The following COL5A1 variants were observed in gnomAD, a reference collection of about 807,000 sequenced individuals.
COL5A1 encodes the protein collagen alpha-1(V) chain.
A neutral mutation model predicts 263.7 loss-of-function variants in COL5A1; 16 were observed. The observed-to-expected ratio is 0.06, with a 90% CI of 0.04 to 0.09. The LOEUF (loss-of-function observed/expected upper bound fraction) is 0.09. Among genes scored for constraint, COL5A1 ranks in the 10% least tolerant of loss-of-function variants. The pLI, the probability that COL5A1 is intolerant of heterozygous loss-of-function variation, is 1.00. For missense variants in COL5A1, 2,036 were observed against 2,540.5 expected (o/e 0.80, Z 4.27); for synonymous variants, 1,012 against 1,004.5 (o/e 1.01, Z -0.14).
At chr9:134,797,768 G>T (rs1434375462) in intron 36 of COL5A1, among the ~76,000 whole-genome samples, 1 of 152,132 alleles carries the variant, frequency 6.6e-6, no homozygotes, top group Non-Finnish European at 1.5e-5. Context: ...CAGCCACCGT[G>T]CCCGGAGCCC....
chr9:134,782,598 C>G (rs966706751), intron 28 of COL5A1, 69 bp from the exon 29 acceptor site: 1 of 1,431,020 alleles, frequency 7.0e-7, no homozygotes, highest in South Asian at 1.1e-5. Flanking sequence ...TTGTTTGGAG[C>G]GGGGAAGGGA....
rs73664144 is a variant in COL5A1 at position 134,796,356 on chromosome 9, C to A, written c.2800-18C>A. ...AATAACAATCATAAGCTTTTCCCCCCTCTCCTTCCCTCTCAAGGGCAACTC... is the reference window on the plus strand; with the variant it reads ...AATAACAATCATAAGCTTTTCCCCCATCTCCTTCCCTCTCAAGGGCAACTC... On this transcript the variant is annotated intron_variant, in intron 34 of 65. Transcript: ENST00000371817. The A allele has an allele frequency of 1.6e-3, 2,620 of 1,613,640 alleles. 48 individuals are homozygous for A. The African/African-American group carries it at 0.031, about 19-fold the overall frequency.
intron 32 of COL5A1, among the ~76,000 whole-genome samples, chr9:134,793,975 C>T (rs762251690): frequency 1.7e-4 from 26 of 152,284 alleles, no homozygotes; most frequent in East Asian, 5.8e-4. Context: ...AGATGATGAG[C>T]GGAAACTTAT....
At chr9:134,740,846 G>A (rs1835274781) in intron 11 of COL5A1, among the ~76,000 whole-genome samples, 1 of 152,204 alleles carries the variant, frequency 6.6e-6, no homozygotes, top group Non-Finnish European at 1.5e-5. Context: ...TTTAGGAGCT[G>A]GTCCTCCTCA....
At chr9:134,817,597 G>A (rs1045258434) in intron 53 of COL5A1, among the ~76,000 whole-genome samples, 181 bp from the exon 54 acceptor site, 37 of 152,026 alleles carry the variant, frequency 2.4e-4, no homozygotes, top group African/African-American at 8.9e-4. Flanking sequence ...TGGCCCGGGA[G>A]CAGCCTCCAT....
intron 63 of COL5A1, among the ~76,000 whole-genome samples, chr9:134,826,660 G>T (rs3128604): frequency 0.6 from 69,997 of 116,802 alleles, 17,842 homozygotes; most frequent in East Asian, 0.64. Flanking sequence ...GTGGCTGGTG[G>T]ATGGGTGTGT....
In COL5A1 at chr9:134,784,796, C is replaced by T. The variant is rs1055176595; in HGVS notation, c.2485-193C>T. Among the ~76,000 whole-genome samples, 6 of 152,258 alleles carry T rather than the reference C, an allele frequency of 3.9e-5. No individual in the cohort carries two copies. In the East Asian group the frequency reaches 9.6e-4, roughly 24 times the overall value. ...CGCAGAGCCCGGGAGCCCGGGAATT[C>T]GCGGTACAATGCGCTCGCTTTGTCA... On this transcript the variant is annotated intron_variant, in intron 29 of 65. Coordinates refer to ENST00000371817, the MANE Select transcript of COL5A1 (RefSeq NM_000093.5).
At chr9:134,747,697 GCACACATGCATTCATA>G (rs1167031833) in intron 11 of COL5A1, among the ~76,000 whole-genome samples, 1 of 128,480 alleles carries the variant, frequency 7.8e-6, no homozygotes, top group Non-Finnish European at 1.6e-5. Context: ...GCAAACACAT[GCACACATGCATTCATA>G]CACACATGCA....
chr9:134,668,853 T>A (rs78786052), intron 1 of COL5A1, among the ~76,000 whole-genome samples: 35,484 of 151,460 alleles, frequency 0.23, 5,224 homozygotes, highest in African/African-American at 0.42. Flanking sequence ...CCAACTGTCC[T>A]TCCATCTATG....
rs190674200 is a variant in COL5A1, at chr9:134,806,691, C to A, written c.3366+395C>A. Among the ~76,000 whole-genome samples the A allele has an allele frequency of 2.3e-3, 344 of 152,324 alleles. 2 individuals carry two copies. Among genetic ancestry groups the A allele is most frequent in the Middle Eastern group, 0.02 (6 of 294 alleles). ...CTCAGTGCCACCTGTGTGGTCGGGC[C>A]ACAGCTGCCCACTGTGTGAACTGTT... On this transcript the variant is annotated intron_variant, in intron 42 of 65. Coordinates refer to ENST00000371817, the MANE Select transcript of COL5A1 (RefSeq NM_000093.5).
intron 1 of COL5A1, among the ~76,000 whole-genome samples, chr9:134,651,782 G>T (rs1381977144): frequency 6.6e-6 from 1 of 152,246 alleles, no homozygotes; most frequent in Admixed American, 6.5e-5. Context: ...CTTTTCTCGG[G>T]TCCTCTGCCT....
intron 1 of COL5A1, among the ~76,000 whole-genome samples, chr9:134,672,323 C>T (rs1205201757): frequency 1.3e-5 from 2 of 152,130 alleles, no homozygotes; most frequent in East Asian, 1.9e-4. Context: ...TTTGTTTAAA[C>T]CATTATGATG....
intron 11 of COL5A1, among the ~76,000 whole-genome samples, chr9:134,740,986 C>T (rs1162717791): frequency 6.6e-6 from 1 of 152,022 alleles, no homozygotes; most frequent in African/African-American, 2.4e-5. Context: ...AGGGCCCTTC[C>T]AGTGAGAGGG....
intron 62 of COL5A1, among the ~76,000 whole-genome samples, chr9:134,825,197 C>T (rs547859554): frequency 3.2e-4 from 48 of 152,272 alleles, no homozygotes; most frequent in African/African-American, 9.6e-4. Flanking sequence ...GACAGAGTTG[C>T]GTGAGGCAGT....
intron 4 of COL5A1, among the ~76,000 whole-genome samples, chr9:134,722,807 TG>T (rs146958336): frequency 0.071 from 10,802 of 152,060 alleles, 536 homozygotes; most frequent in Non-Finnish European, 0.11. Context: ...CATCCAAAGA[TG>T]GGGGAGAGAG....
At chr9:134,712,234 T>C (rs917195073) in intron 4 of COL5A1, among the ~76,000 whole-genome samples, 197 of 4,452 alleles carry the variant, frequency 0.044, 4 homozygotes, top group Admixed American at 0.19. Context: ...CCCCTTCTTC[T>C]TATCCCCCTT....
chr9:134,750,889 AC>A lies in COL5A1; in HGVS notation c.1662+8del. ...CATTCTCCAGCAGGCCAGGGTGAGT[AC>A]TGCTGGGTCCCAAGAGGCCTGAAGG... On this transcript the variant is annotated splice_region_variant and intron_variant, in intron 13 of 65. Transcript: ENST00000371817. 5 of 1,610,906 alleles carry A rather than the reference AC, an allele frequency of 3.1e-6. No individual in the cohort carries two copies. The highest frequency in any genetic ancestry group is 4.2e-6 in the Non-Finnish European group (5 of 1,178,278).
intron 18 of COL5A1, among the ~76,000 whole-genome samples, chr9:134,760,537 TACACCCACACAC>T (rs1265501672): frequency 2.0e-5 from 1 of 51,084 alleles, no homozygotes; most frequent in African/African-American, 8.3e-5. Context: ...CCCACACTCA[TACACCCACACAC>T]ACACGCACAT....
intron 64 of COL5A1, among the ~76,000 whole-genome samples, chr9:134,832,276 T>A (rs973305989): frequency 1.3e-5 from 2 of 151,980 alleles, no homozygotes; most frequent in Non-Finnish European, 2.9e-5. Flanking sequence ...CATAGTGGTG[T>A]GCACCTGTAA....
Sources: allele counts gnomAD v4.1 joint callset (sites outside exome capture counted in the v4.1 genomes callset), GRCh38; gene constraint gnomAD v4.1.1; transcripts MANE v1.5; gene names NCBI Gene and HGNC (gene_info 2026-07-23, HGNC 2026-07-21).